The following CYP27C1 variants were observed in gnomAD, a reference collection of about 807,000 sequenced individuals.
The protein encoded by CYP27C1 is cytochrome P450 27C1.
In CYP27C1, 29 loss-of-function variants were observed where a neutral mutation model predicts 40.6. That is an observed-to-expected ratio of 0.71 (90% CI 0.53 to 0.97). CYP27C1 has a LOEUF of 0.97. CYP27C1 is among the 50% of genes least tolerant of loss of function. The probability of loss-of-function intolerance (pLI) is 0.00; values close to 1 mark genes in which losing one functional copy is unlikely to be tolerated. For synonymous variants in CYP27C1, 198 were observed against 186.8 expected (o/e 1.06, Z -0.49); for missense variants, 390 against 485.8 (o/e 0.80, Z 1.85).
At chr2:127,212,054 A>G (rs540473571) in intron 1 of CYP27C1, among the ~76,000 whole-genome samples, 2 of 152,332 alleles carry the variant, frequency 1.3e-5, no homozygotes, top group Admixed American at 1.3e-4. Context: ...ATGCAAATAA[A>G]CTAGAAAATC....
Position 127,201,746 on chromosome 2 carries a change from G to A in CYP27C1, c.674-415C>T, listed in dbSNP as rs769997248. Among the ~76,000 whole-genome samples, 2 of 152,194 alleles carry A rather than the reference G, an allele frequency of 1.3e-5. No individual in the cohort carries two copies. The highest frequency in any genetic ancestry group is 4.8e-5 in the African/African-American group (2 of 41,446). ...CCCAACACCCTCCTCTCAGGAAGGA[G>A]TCGGCAAACCTCACATGGCCTCTCC... is the stretch of plus-strand genomic sequence containing the variant. On this transcript the variant is annotated intron_variant, in intron 3 of 8. Transcript: ENST00000664447. This position sits in a 1 kb window ranked among gnomAD's most constrained non-coding sequence, Gnocchi z 6.0.
rs567424449 is a variant in CYP27C1 at position 127,209,827 on chromosome 2, A to G, written c.283-3737T>C. Among the ~76,000 whole-genome samples the G allele has an allele frequency of 6.6e-6, 1 of 152,340 alleles. No individual in the cohort carries two copies. Among genetic ancestry groups the G allele is most frequent in the South Asian group, 2.1e-4 (1 of 4,834 alleles). ...GACAAGAATAGAGAAAAAAGAATGA[A>G]AAGGAATAAACAAAGCCTCAAAGAA... On this transcript the variant is annotated intron_variant, in intron 1 of 8. Transcript: ENST00000664447. The surrounding 1 kb of genome is among the most constrained non-coding windows in gnomAD (Gnocchi z 4.1).
At chr2:127,215,111 AGAGT>A (rs1313879903) in intron 1 of CYP27C1, among the ~76,000 whole-genome samples, 1 of 136,886 alleles carries the variant, frequency 7.3e-6, no homozygotes, top group Non-Finnish European at 1.6e-5. Context: ...CCTGGGCGAC[AGAGT>A]GAGACTCCAT....
intron 2 of CYP27C1, among the ~76,000 whole-genome samples, chr2:127,204,320 A>AGGAGGGAGGGAGGGAGGGAG (rs1222549053): frequency 2.4e-5 from 1 of 41,958 alleles, no homozygotes; most frequent in African/African-American, 1.2e-4. Flanking sequence ...GAAGGAAGGA[A>AGGAGGGAGGGAGGGAGGGAG]GGAGGGAGGG....
At chr2:127,210,437 G>A (rs977232665) in intron 1 of CYP27C1, among the ~76,000 whole-genome samples, 15 of 152,124 alleles carry the variant, frequency 9.9e-5, no homozygotes, top group Non-Finnish European at 1.8e-4. Flanking sequence ...ATGACACTAC[G>A]AAGAAACTGC....
chr2:127,203,111 C>T (rs1019774678), intron 3 of CYP27C1, among the ~76,000 whole-genome samples: 1 of 150,794 alleles, frequency 6.6e-6, no homozygotes, highest in Non-Finnish European at 1.5e-5. Flanking sequence ...GAGGTTGCAG[C>T]GAGCCAAGAC....
Position 127,204,507 on chromosome 2 carries a change from A to AGG in CYP27C1, c.474-937_474-936insCC, listed in dbSNP as rs1683149918. Among the ~76,000 whole-genome samples, 13 of 80,320 alleles carry AGG rather than the reference A, an allele frequency of 1.6e-4. 1 individual carries two copies. The highest frequency in any genetic ancestry group is 5.2e-4 in the African/African-American group (12 of 23,298). The allele number at this position is 80,320 out of a possible 152,430, so 52.7% of individuals were successfully genotyped here. A position where few individuals can be genotyped will look rare whatever the true frequency, so the allele number is the denominator to read the frequency against. On this transcript the variant is annotated intron_variant, in intron 2 of 8. Transcript: ENST00000664447. The stretch of plus-strand genomic sequence containing the variant: ...AAGAAAGGAAGGAAGGAAGGAAGGA[A>AGG]AGAAAGAAGGAAAGAAAGAAAGAAA...
intron 8 of CYP27C1, among the ~76,000 whole-genome samples, chr2:127,188,112 G>A (rs1332847593): frequency 1.3e-5 from 2 of 152,174 alleles, no homozygotes; most frequent in Non-Finnish European, 1.5e-5. Context: ...ACAGGCTCCT[G>A]GGGGGAGGAG....
In CYP27C1 at chr2:127,195,508, A is replaced by C. The variant is rs1296162913; in HGVS notation, c.1048-7T>G. ...AAGACAAGGTGAAGGACGTCTAAGG[A>C]GAGAAAGTGGCAGACACAGGCAGGC... On this transcript the variant is annotated splice_polypyrimidine_tract_variant and splice_region_variant and intron_variant, in intron 5 of 8. Coordinates refer to ENST00000664447, the MANE Select transcript of CYP27C1 (RefSeq NM_001367502.1). This position sits in a 1 kb window ranked among gnomAD's most constrained non-coding sequence, Gnocchi z 6.2. 1 of 1,613,302 alleles carries C rather than the reference A, an allele frequency of 6.2e-7. No individual in the cohort carries two copies. Among genetic ancestry groups the C allele is most frequent in the Admixed American group, 1.7e-5 (1 of 59,954 alleles).
intron 2 of CYP27C1, among the ~76,000 whole-genome samples, chr2:127,204,606 A>AAGCAAGCAAGCAAGCAAGCAAGC (rs1558931534): frequency 6.9e-5 from 7 of 100,948 alleles, no homozygotes; most frequent in African/African-American, 2.9e-4. Context: ...AGAAAGAAAG[A>AAGCAAGCAAGCAAGCAAGCAAGC]AAGAAAGAAA....
intron 8 of CYP27C1, among the ~76,000 whole-genome samples, chr2:127,191,730 G>A (rs751199135): frequency 5.3e-5 from 8 of 152,188 alleles, no homozygotes; most frequent in African/African-American, 1.2e-4. Context: ...CCAAGGTCCC[G>A]GAGCCAGCAA....
In CYP27C1 at chr2:127,185,235, C is replaced by G. The variant is rs191554862; in HGVS notation, c.*2036G>C. On this transcript the variant is annotated 3_prime_UTR_variant, in exon 9 of 9. Coordinates refer to ENST00000664447, the MANE Select transcript of CYP27C1 (RefSeq NM_001367502.1). The surrounding 1 kb of genome is among the most constrained non-coding windows in gnomAD (Gnocchi z 4.9). ...TTTGGCGTGGATGCTTCCTGGGTGG[C>G]GCCCTGCACTTCCTGCTACATCACA... 6.6e-6 allele frequency: 1 copy of G among 152,244 alleles called. No homozygotes were observed. The highest frequency in any genetic ancestry group is 1.5e-5 in the Non-Finnish European group (1 of 68,122). 9.4% of individuals were successfully genotyped at this position (152,244 alleles called of 1,614,324 possible).
chr2:127,203,497 T>C lies in CYP27C1; in HGVS notation c.548A>G (p.Tyr183Cys), dbSNP rs755581713. Residue 183 changes from tyrosine (Y) to cysteine (C), a missense_variant, in exon 3 of 9, where the codon TAT (tyrosine) becomes TGT (cysteine). Coordinates refer to ENST00000664447, the MANE Select transcript of CYP27C1 (RefSeq NM_001367502.1). ...RILKPKDVAI[Y>C]SGEVNQVIAD... ...AATAACTTGGTTGACTTCTCCAGAA[T>C]AAATGGCCACATCTTTCGGTTTCAG... 1.2e-6 allele frequency: 2 copies of C among 1,614,070 alleles called. No homozygotes were observed. The highest frequency in any genetic ancestry group is 1.7e-6 in the Non-Finnish European group (2 of 1,180,016).
chr2:127,215,215 T>C (rs1256617228), intron 1 of CYP27C1, among the ~76,000 whole-genome samples: 2 of 151,836 alleles, frequency 1.3e-5, no homozygotes, highest in Admixed American at 6.6e-5. Context: ...GATTTAAGAC[T>C]CAAACATCTA....
In CYP27C1 at chr2:127,201,263, CCA is replaced by C. The variant is rs1218682930; in HGVS notation, c.740_741del (p.Val247GlyfsTer11). On this transcript the variant is annotated frameshift_variant, in exon 4 of 9. Transcript: ENST00000664447. LOFTEE classifies it high-confidence loss of function. The surrounding 1 kb of genome is among the most constrained non-coding windows in gnomAD (Gnocchi z 6.0). ...ATGAGCTCCAGGGCCTCGATGTATTCCACAGTCAGCTGTGGGATGCTGTTTTC... is the reference window on the plus strand; with the variant it reads ...ATGAGCTCCAGGGCCTCGATGTATTCCAGTCAGCTGTGGGATGCTGTTTTC... ...CLENSIPQLT[V>X]EYIEALELMF... is the part of the protein sequence containing the mutation. 1.2e-6 allele frequency: 2 copies of C among 1,614,146 alleles called. No homozygotes were observed. The highest frequency in any genetic ancestry group is 1.7e-6 in the Non-Finnish European group (2 of 1,180,030).
intron 5 of CYP27C1, among the ~76,000 whole-genome samples, chr2:127,197,581 G>A (rs536209928): frequency 6.6e-5 from 10 of 152,226 alleles, no homozygotes; most frequent in African/African-American, 1.7e-4. Context: ...CAGGGTGTGC[G>A]TGCAATGCTT....
intron 8 of CYP27C1, among the ~76,000 whole-genome samples, chr2:127,188,744 G>A (rs1208077889): frequency 1.3e-5 from 2 of 152,016 alleles, no homozygotes; most frequent in African/African-American, 4.8e-5. Context: ...TACCTACACA[G>A]TGAGTTTGAA....
chr2:127,190,331 C>CTT (rs11400543), intron 8 of CYP27C1, among the ~76,000 whole-genome samples: 29 of 120,160 alleles, frequency 2.4e-4, no homozygotes, highest in Middle Eastern at 5.1e-3. Context: ...TGTGGCTTCT[C>CTT]TTTTTTTTTT....
rs972535073 is a variant in CYP27C1, at chr2:127,201,797, G to A, written c.674-466C>T. Among the ~76,000 whole-genome samples, 2 of 152,092 alleles carry A rather than the reference G, an allele frequency of 1.3e-5. No homozygotes were observed. The highest frequency in any genetic ancestry group is 6.6e-5 in the Admixed American group (1 of 15,266). On this transcript the variant is annotated intron_variant, in intron 3 of 8. Transcript: ENST00000664447. This position sits in a 1 kb window ranked among gnomAD's most constrained non-coding sequence, Gnocchi z 6.0. ...CTGCCCCACCTGGCCACTGGGGATC[G>A]CCTTCCAGCCACTTGCCCAACTTGA...
Sources: allele counts gnomAD v4.1 joint callset (sites outside exome capture counted in the v4.1 genomes callset), GRCh38; gene constraint gnomAD v4.1.1; non-coding constraint Gnocchi (gnomAD v3.1); transcripts MANE v1.5; gene names NCBI Gene and HGNC (gene_info 2026-07-23, HGNC 2026-07-21).